The following NIPBL variants were observed in gnomAD, a reference collection of about 807,000 sequenced individuals.
NIPBL encodes nipped-B-like protein.
Under a neutral mutation model 321.8 loss-of-function variants are expected in NIPBL, and 19 were observed. The ratio of observed to expected loss-of-function variants is 0.06; its 90% CI spans 0.04 to 0.09. The LOEUF is 0.09. Ranked by LOEUF, NIPBL falls within the 10% of genes least tolerant of loss-of-function variation. NIPBL has a pLI of 1.00. For missense variants in NIPBL, 2,210 were observed against 3,327.0 expected (o/e 0.66, Z 8.26); for synonymous variants, 1,106 against 1,114.1 (o/e 0.99, Z 0.14).
intron 1 of NIPBL, among the ~76,000 whole-genome samples, chr5:36,918,149 C>T (rs576244528): frequency 3.4e-4 from 52 of 152,168 alleles, no homozygotes; most frequent in African/African-American, 1.1e-3. Flanking sequence ...ATTCTTCCTA[C>T]CCATGAGCAT....
chr5:36,917,965 C>T (rs1238240532), intron 1 of NIPBL, among the ~76,000 whole-genome samples: 1 of 152,136 alleles, frequency 6.6e-6, no homozygotes, highest in Non-Finnish European at 1.5e-5. Context: ...CATGATGCCT[C>T]CAGCTTTGTT....
intron 6 of NIPBL, among the ~76,000 whole-genome samples, chr5:36,968,164 A>G (rs1330390721): frequency 2.0e-5 from 3 of 151,732 alleles, no homozygotes; most frequent in Non-Finnish European, 4.4e-5. Context: ...ACAAAATTGG[A>G]TATATATATG....
At chr5:36,975,079 C>G (rs1301440133) in intron 8 of NIPBL, among the ~76,000 whole-genome samples, 1 of 151,810 alleles carries the variant, frequency 6.6e-6, no homozygotes, top group Admixed American at 6.6e-5. Flanking sequence ...ACTCTGGGCT[C>G]AATATATTTT....
At chr5:37,016,276 T>G (rs758189917) in intron 23 of NIPBL, 106 bp downstream of exon 23, 33 of 1,136,734 alleles carry the variant, frequency 2.9e-5, no homozygotes, top group Non-Finnish European at 4.2e-5. Flanking sequence ...TAAGGAAATA[T>G]GAACATTGCA....
rs1046582532 is a variant in NIPBL, at chr5:37,065,966, A to T, written c.*1074A>T. ...CGGTTATTTTAGAACTAGAGTTGAG[A>T]TGAATATGACACTTCATAATTACAC... On this transcript the variant is annotated 3_prime_UTR_variant, in exon 47 of 47. Coordinates refer to ENST00000282516, the MANE Select transcript of NIPBL (RefSeq NM_133433.4). The T allele has an allele frequency of 2.0e-5, 3 of 152,376 alleles. No homozygotes were observed. Among genetic ancestry groups the T allele is most frequent in the African/African-American group, 7.2e-5 (3 of 41,458 alleles). The allele number at this position is 152,376 out of a possible 1,614,324, so 9.4% of individuals were successfully genotyped here. A position where few individuals can be genotyped will look rare whatever the true frequency, so the allele number is the denominator to read the frequency against.
intron 25 of NIPBL, 151 bp downstream of exon 25, chr5:37,019,551 A>G (rs999841133): frequency 1.8e-5 from 12 of 669,060 alleles, no homozygotes; most frequent in Non-Finnish European, 2.4e-5. Flanking sequence ...CTAAACAGAA[A>G]AGAATGCTTT....
chr5:37,027,299 G>C, intron 31 of NIPBL, 60 bp from the exon 32 acceptor site: 1 of 1,261,246 alleles, frequency 7.9e-7, no homozygotes, highest in Non-Finnish European at 1.2e-6. Flanking sequence ...CATAACAAAA[G>C]TATATTTTAT....
intron 1 of NIPBL, among the ~76,000 whole-genome samples, chr5:36,925,325 A>G (rs554130218): frequency 1.3e-5 from 2 of 151,088 alleles, no homozygotes; most frequent in South Asian, 4.2e-4. Context: ...CTGGTGTGCA[A>G]TGGCGTGATC....
At chr5:37,038,071 C>T (rs552893988) in intron 33 of NIPBL, among the ~76,000 whole-genome samples, 1 of 151,234 alleles carries the variant, frequency 6.6e-6, no homozygotes, top group African/African-American at 2.4e-5. Flanking sequence ...CTCAATGCAG[C>T]CTAGAACTCC....
At chr5:36,880,880 C>G (rs1006973633) in intron 1 of NIPBL, among the ~76,000 whole-genome samples, 16 of 151,986 alleles carry the variant, frequency 1.1e-4, no homozygotes, top group Admixed American at 1.0e-3. Flanking sequence ...ATACTTGACA[C>G]TTAAGAGACC....
In NIPBL at chr5:36,985,717, T is replaced by C. The variant is rs769254029; in HGVS notation, c.2537T>C (p.Leu846Ser). ...DQSRVRRPET[L>S]RSSSRNEHGI... Reference sequence around the variant, plus strand: ...TCTAGGGTTCGAAGACCAGAAACATTGAGATCCTCTAGTAGAAATGAACAT... The same window carrying C: ...TCTAGGGTTCGAAGACCAGAAACATCGAGATCCTCTAGTAGAAATGAACAT... The change falls in exon 10 of 47, where the codon TTG (leucine) becomes TCG (serine). Residue 846 changes from leucine (L) to serine (S), a missense_variant. By Grantham distance (145) the Leu-to-Ser change is moderately radical. Around this residue, in one of 14 missense-constraint regions of NIPBL, gnomAD observed 588 missense variants for 564.1 expected, o/e 1.04. Coordinates refer to ENST00000282516, the MANE Select transcript of NIPBL (RefSeq NM_133433.4). 5 of 1,613,708 alleles carry C rather than the reference T, an allele frequency of 3.1e-6. No homozygotes were observed. Among genetic ancestry groups the C allele is most frequent in the Admixed American group, 1.7e-5 (1 of 59,888 alleles).
intron 9 of NIPBL, among the ~76,000 whole-genome samples, chr5:36,977,039 A>G (rs945502292): frequency 1.3e-5 from 2 of 152,022 alleles, no homozygotes; most frequent in African/African-American, 4.8e-5. Context: ...CTATGAGTTT[A>G]TGAGCTTTCC....
intron 9 of NIPBL, among the ~76,000 whole-genome samples, chr5:36,984,028 A>G (rs575019630): frequency 1.3e-5 from 2 of 151,868 alleles, no homozygotes; most frequent in East Asian, 1.9e-4. Context: ...ATTTACTTCT[A>G]TCTAACATTG....
Position 36,996,268 on chromosome 5 carries a change from A to C in NIPBL, c.3304+464A>C, listed in dbSNP as rs926458161. 6.6e-6 allele frequency among the ~76,000 whole-genome samples: 1 copy of C among 152,192 alleles called. No individual in the cohort carries two copies. Among genetic ancestry groups the C allele is most frequent in the African/African-American group, 2.4e-5 (1 of 41,444 alleles). On this transcript the variant is annotated intron_variant, in intron 11 of 46. Transcript: ENST00000282516. The surrounding 1 kb of genome is among the most constrained non-coding windows in gnomAD (Gnocchi z 5.0). The stretch of plus-strand genomic sequence containing the variant: ...TCAAAATCAGAGTGGGGGCTCAGGG[A>C]ATGCTTACTGGAAGAGGTGACACTT...
At chr5:37,014,477 ACT>A (rs1393887963) in intron 21 of NIPBL, among the ~76,000 whole-genome samples, 1 of 151,944 alleles carries the variant, frequency 6.6e-6, no homozygotes, top group Non-Finnish European at 1.5e-5. Flanking sequence ...TTTTAATAAC[ACT>A]CTATCTGTAT....
chr5:36,920,418 A>G (rs1327322144), intron 1 of NIPBL, among the ~76,000 whole-genome samples: 1 of 152,216 alleles, frequency 6.6e-6, no homozygotes, highest in Non-Finnish European at 1.5e-5. Flanking sequence ...TTTAGGACAG[A>G]TGTGACTCTC....
intron 32 of NIPBL, among the ~76,000 whole-genome samples, chr5:37,028,421 A>G (rs1390531711): frequency 2.8e-5 from 4 of 144,338 alleles, no homozygotes; most frequent in Non-Finnish European, 4.5e-5. Flanking sequence ...GCTCACTGCA[A>G]CCTCCGCCTC....
chr5:37,027,603 GTTTTTTT>G (rs781358128), intron 32 of NIPBL, among the ~76,000 whole-genome samples, 191 bp downstream of exon 32: 3 of 69,748 alleles, frequency 4.3e-5, no homozygotes, highest in African/African-American at 2.0e-4. Flanking sequence ...CCTGGTTGTG[GTTTTTTT>G]TTTTTTTTTT....
chr5:36,926,701 A>T (rs1382750890), intron 1 of NIPBL, among the ~76,000 whole-genome samples: 1 of 152,188 alleles, frequency 6.6e-6, no homozygotes, highest in African/African-American at 2.4e-5. Flanking sequence ...AGGACTAGCA[A>T]ATAATTTGTG....
Sources: allele counts gnomAD v4.1 joint callset (sites outside exome capture counted in the v4.1 genomes callset), GRCh38; gene constraint gnomAD v4.1.1; regional missense constraint gnomAD v4.1.1; non-coding constraint Gnocchi (gnomAD v3.1); transcripts MANE v1.5; gene names NCBI Gene and HGNC (gene_info 2026-07-23, HGNC 2026-07-21).